The following EP400 variants were observed in gnomAD, a reference collection of about 807,000 sequenced individuals.
EP400 encodes the protein E1A-binding protein p400.
In EP400, 105 loss-of-function variants were observed where a neutral mutation model predicts 354.1. The ratio of observed to expected loss-of-function variants is 0.30; its 90% CI spans 0.25 to 0.35. The LOEUF is 0.35. EP400 is among the 10% of genes least tolerant of loss of function. The pLI is 1.00. For synonymous variants in EP400, 1,646 were observed against 1,716.9 expected (o/e 0.96, Z 1.02); for missense variants, 3,280 against 4,121.0 (o/e 0.80, Z 5.59).
Position 132,038,091 on chromosome 12 carries a change from A to G in EP400, c.6202A>G (p.Ile2068Val), listed in dbSNP as rs906887961. ...TGCACCCAAAATTGCAAGACCTTTC[A>G]TAGAGGTAAGAATACATTGAATCTG... Reference protein sequence around the residue: ...TIAPKIARPFIEALKSIEYLE... With the variant: ...TIAPKIARPFVEALKSIEYLE... Residue 2068 changes from isoleucine (I) to valine (V), a missense_variant, in exon 32 of 53, where the codon ATA becomes GTA. Ile to Val is a conservative substitution (Grantham distance 29). Coordinates refer to ENST00000389561, the MANE Select transcript of EP400 (RefSeq NM_015409.5). The surrounding 1 kb of genome is among the most constrained non-coding windows in gnomAD (Gnocchi z 4.2). 6.8e-6 allele frequency: 11 copies of G among 1,614,152 alleles called. No homozygotes were observed. Among genetic ancestry groups the G allele is most frequent in the East Asian group, 4.5e-5 (2 of 44,880 alleles).
rs756641402 is a variant in EP400, at chr12:132,053,234, C to G, written c.7473+10C>G. Reference sequence around the variant, plus strand: ...CGCAAAAGAGAAAAAGGTCAGCGCCCTGGGCCCTTCTGCTTGAGTGGGAAA... The same window carrying G: ...CGCAAAAGAGAAAAAGGTCAGCGCCGTGGGCCCTTCTGCTTGAGTGGGAAA... On this transcript the variant is annotated intron_variant, in intron 42 of 52. Coordinates refer to ENST00000389561, the MANE Select transcript of EP400 (RefSeq NM_015409.5). 3 of 1,613,328 alleles carry G rather than the reference C, an allele frequency of 1.9e-6. No individual in the cohort carries two copies. The Admixed American group carries it at 5.0e-5, about 27-fold the overall frequency.
intron 2 of EP400, among the ~76,000 whole-genome samples, chr12:131,974,569 C>T (rs1892403096): frequency 6.6e-6 from 1 of 152,104 alleles, no homozygotes; most frequent in Non-Finnish European, 1.5e-5. Flanking sequence ...CTGTGTTTTC[C>T]ATGGATAAGC....
At position 132,045,455 on chromosome 12, in the gene EP400, G is replaced by C; in HGVS notation, c.6921G>C (p.Gln2307His). The change falls in exon 38 of 53, where the codon CAG becomes CAC. Residue 2307 changes from glutamine (Q) to histidine (H), a missense_variant. Coordinates refer to ENST00000389561, the MANE Select transcript of EP400 (RefSeq NM_015409.5). ...AGAAGAAGAATATTCTGCTGAAGCA[G>C]CAGGTGCCATTCGCCAAGCCCCTGC... The part of the protein sequence containing the change: ...KEQKKNILLK[Q>H]QVPFAKPLPT... 1 of 1,614,226 alleles carries C rather than the reference G, an allele frequency of 6.2e-7. No homozygotes were observed. The highest frequency in any genetic ancestry group is 8.5e-7 in the Non-Finnish European group (1 of 1,180,040).
chr12:131,975,742 A>C (rs961562873), intron 2 of EP400, among the ~76,000 whole-genome samples: 3 of 151,882 alleles, frequency 2.0e-5, no homozygotes, highest in Admixed American at 1.3e-4. Flanking sequence ...GTATTTTTGT[A>C]GAGATGAATT....
At position 132,067,899 on chromosome 12, in the gene EP400, C is replaced by T. The variant is rs1280656387; in HGVS notation, c.8874+413C>T. ...ACAGGGATGCCGTACAGTCTGGACC[C>T]CAGACAGGGAATGTGGCCTCTGTGC... On this transcript the variant is annotated intron_variant, in intron 50 of 52. Transcript: ENST00000389561. The surrounding 1 kb of genome is among the most constrained non-coding windows in gnomAD (Gnocchi z 5.3). Among the ~76,000 whole-genome samples, 7 of 152,140 alleles carry T rather than the reference C, an allele frequency of 4.6e-5. No homozygotes were observed. The East Asian group carries it at 5.8e-4, about 13-fold the overall frequency.
intron 21 of EP400, 71 bp from the exon 22 acceptor site, chr12:132,019,978 T>C: frequency 7.0e-7 from 1 of 1,426,484 alleles, no homozygotes; most frequent in Non-Finnish European, 9.2e-7. Context: ...GAACCCCGGC[T>C]CCATGAGGTG....
chr12:132,031,597 C>T (rs777328920), intron 29 of EP400, among the ~76,000 whole-genome samples: 15 of 152,156 alleles, frequency 9.9e-5, no homozygotes, highest in African/African-American at 2.2e-4. Context: ...CCTGCTCTGT[C>T]GCCGAGGCTG....
At position 132,038,081 on chromosome 12, in the gene EP400, A is replaced by C. The variant is rs1161456332; in HGVS notation, c.6192A>C (p.Ala2064=). ...SVTETIAPKI[A]RPFIEALKSI... Reference sequence around the variant, plus strand: ...CGGAAACCATTGCACCCAAAATTGCAAGACCTTTCATAGAGGTAAGAATAC... The same window carrying C: ...CGGAAACCATTGCACCCAAAATTGCCAGACCTTTCATAGAGGTAAGAATAC... The change falls in exon 32 of 53, where the codon GCA becomes GCC. Residue 2064 remains alanine, a synonymous_variant. Coordinates refer to ENST00000389561, the MANE Select transcript of EP400 (RefSeq NM_015409.5). This position sits in a 1 kb window ranked among gnomAD's most constrained non-coding sequence, Gnocchi z 4.2. The C allele has an allele frequency of 6.2e-7, 1 of 1,614,084 alleles. No individual in the cohort carries two copies. Among genetic ancestry groups the C allele is most frequent in the African/African-American group, 1.3e-5 (1 of 74,914 alleles).
intron 32 of EP400, among the ~76,000 whole-genome samples, chr12:132,041,717 G>A (rs1894917017): frequency 6.6e-6 from 1 of 152,200 alleles, no homozygotes; most frequent in Non-Finnish European, 1.5e-5. Context: ...GGATGCTCCT[G>A]CCATGGGGTT....
At chr12:132,036,630 C>T (rs1010542287) in intron 30 of EP400, among the ~76,000 whole-genome samples, 1 of 152,262 alleles carries the variant, frequency 6.6e-6, no homozygotes, top group African/African-American at 2.4e-5. Flanking sequence ...TCTTGTGAAC[C>T]AAGGTGGGTG....
At chr12:131,982,029 G>T in intron 4 of EP400, 64 bp from the exon 5 acceptor site, 2 of 1,494,456 alleles carry the variant, frequency 1.3e-6, no homozygotes, top group South Asian at 2.7e-5. Context: ...GTCTCCTTGT[G>T]ACTCATTGGT....
At chr12:132,020,963 C>G in intron 22 of EP400, 116 bp from the exon 23 acceptor site, 2 of 1,362,590 alleles carry the variant, frequency 1.5e-6, no homozygotes, top group Non-Finnish European at 1.9e-6. Context: ...GAGGGGACTT[C>G]TCATTTGAGA....
chr12:132,042,588 G>C (rs1004429471), intron 32 of EP400, among the ~76,000 whole-genome samples: 1 of 152,196 alleles, frequency 6.6e-6, no homozygotes, highest in Non-Finnish European at 1.5e-5. Flanking sequence ...TGTCAAAGTA[G>C]TGTTATATCA....
At chr12:132,072,374 T>C (rs1317472984) in intron 51 of EP400, among the ~76,000 whole-genome samples, 1 of 152,248 alleles carries the variant, frequency 6.6e-6, no homozygotes, top group Non-Finnish European at 1.5e-5. Flanking sequence ...TTGGTTTTCC[T>C]TCAGTCCTAA....
intron 2 of EP400, among the ~76,000 whole-genome samples, chr12:131,978,834 A>G (rs1664591072): frequency 6.6e-6 from 1 of 152,132 alleles, no homozygotes; most frequent in Non-Finnish European, 1.5e-5. Context: ...CACTTTAAAC[A>G]TTTTAAATAA....
intron 23 of EP400, among the ~76,000 whole-genome samples, chr12:132,022,104 C>G (rs1416197629): frequency 2.6e-5 from 4 of 152,194 alleles, no homozygotes; most frequent in Non-Finnish European, 5.9e-5. Flanking sequence ...TCTTTCCTTA[C>G]AAGTCTCTCT....
intron 1 of EP400, among the ~76,000 whole-genome samples, chr12:131,955,105 C>G (rs1891651764): frequency 6.6e-6 from 1 of 152,104 alleles, no homozygotes; most frequent in African/African-American, 2.4e-5. Context: ...TGTTTAGCCA[C>G]CATTGGTAGC....
chr12:131,952,540 T>C (rs1431342971), intron 1 of EP400, among the ~76,000 whole-genome samples: 2 of 152,076 alleles, frequency 1.3e-5, no homozygotes, highest in African/African-American at 2.4e-5. Flanking sequence ...ATAGCTTTAC[T>C]GCAGCTGTGA....
Position 132,013,748 on chromosome 12 carries a change from A to G in EP400, c.3787-29A>G. The G allele has an allele frequency of 6.2e-7, 1 of 1,610,770 alleles. No individual in the cohort carries two copies. Among genetic ancestry groups the G allele is most frequent in the Non-Finnish European group, 8.5e-7 (1 of 1,178,512 alleles). ...ACGTGTTACAGCAGCATTTTTGGAA[A>G]GAAAACAGTAAACAGTTTTTATTTT... is the stretch of plus-strand genomic sequence containing the variant. On this transcript the variant is annotated intron_variant, in intron 18 of 52. Transcript: ENST00000389561. The surrounding 1 kb of genome is among the most constrained non-coding windows in gnomAD (Gnocchi z 4.5).
Sources: gnomAD v4.1 joint callset for allele counts (sites outside exome capture counted in the v4.1 genomes callset) on GRCh38, gnomAD v4.1.1 for gene constraint, Gnocchi (gnomAD v3.1) non-coding constraint, MANE v1.5 for transcripts, NCBI Gene and HGNC (gene_info 2026-07-23, HGNC 2026-07-21) for gene names.